Variants in ATP7A observed in about 807,000 individuals in gnomAD.
The protein encoded by ATP7A is ATPase copper transporting alpha, also known as copper-transporting ATPase 1.
Under a neutral mutation model 83.5 loss-of-function variants are expected in ATP7A, and 7 were observed. That is an observed-to-expected ratio of 0.08 (90% CI 0.05 to 0.16). The LOEUF (loss-of-function observed/expected upper bound fraction) is 0.16. ATP7A is among the 10% of genes least tolerant of loss of function. The pLI, the probability that ATP7A is intolerant of heterozygous loss-of-function variation, is 1.00. For missense variants in ATP7A, 940 were observed against 1,120.8 expected, an observed-to-expected ratio of 0.84 and a Z score of 2.30; for synonymous variants, 354 against 395.2, an observed-to-expected ratio of 0.90 and a Z score of 1.24.
chrX:78,033,900 AG>A, intron 17 of ATP7A, 79 bp downstream of exon 17: 1 of 954,302 alleles, frequency 1.0e-6, no homozygotes, highest in Non-Finnish European at 1.5e-6. Context: ...GAACTGTTAT[AG>A]AAGAAACAAA....
intron 1 of ATP7A, among the ~76,000 whole-genome samples, chrX:77,937,866 T>TTC (rs1326169199): frequency 5.2e-4 from 52 of 100,441 alleles, no homozygotes; most frequent in African/African-American, 9.1e-4. Flanking sequence ...GATGGGATGG[T>TTC]TCTCTCTCTC....
intron 2 of ATP7A, among the ~76,000 whole-genome samples, chrX:77,977,009 T>C (rs1313230308): frequency 9.0e-6 from 1 of 111,580 alleles, no homozygotes; most frequent in African/African-American, 3.3e-5. Flanking sequence ...AAGAGCCAAG[T>C]TGGAAAAGCT....
intron 12 of ATP7A, among the ~76,000 whole-genome samples, chrX:78,016,125 A>G (rs958322373): frequency 4.5e-5 from 5 of 111,661 alleles, no homozygotes; most frequent in African/African-American, 1.6e-4. Flanking sequence ...GATTTAATTG[A>G]CTCACAGTTC....
rs2077837766 is a variant in ATP7A, at chrX:78,012,995, T to G, written c.2289T>G (p.Ile763Met). ...CCATTGCATTTGCCTACTCTTTGATTATTCTTCTAGTTGCAATGTATGAGA... is the reference window on the plus strand; with the variant it reads ...CCATTGCATTTGCCTACTCTTTGATGATTCTTCTAGTTGCAATGTATGAGA... The part of the protein sequence containing the change: ...ATTIAFAYSL[I>M]ILLVAMYERA... The change falls in exon 10 of 23, where the codon ATT (isoleucine) becomes ATG (methionine). Residue 763 changes from isoleucine (I) to methionine (M), a missense_variant. Transcript: ENST00000341514. 1 of 1,210,837 alleles carries G rather than the reference T, an allele frequency of 8.3e-7. No individual in the cohort carries two copies. The highest frequency in any genetic ancestry group is 1.8e-5 in the South Asian group (1 of 56,970).
chrX:77,980,702 C>T, intron 2 of ATP7A, among the ~76,000 whole-genome samples: 1 of 110,640 alleles, frequency 9.0e-6, no homozygotes, highest in Non-Finnish European at 1.9e-5. Context: ...GAGTCTCGCT[C>T]TTGTCACCCA....
rs1557233373 is a variant in ATP7A at position 78,003,130 on chromosome X, C to T, written c.1601C>T (p.Pro534Leu). Residue 534 changes from proline (P) to leucine (L), a missense_variant, in exon 6 of 23, where the codon CCT becomes CTT. By Grantham distance (98) the Pro-to-Leu change is moderately conservative. Transcript: ENST00000341514. The part of the protein sequence containing the change: ...MAGKAEVRYN[P>L]AVIQPPMIAE... Reference sequence around the variant, plus strand: ...GGCAAGGCAGAAGTAAGGTATAATCCTGCTGTTATACAACCCCCAATGATA... The same window carrying T: ...GGCAAGGCAGAAGTAAGGTATAATCTTGCTGTTATACAACCCCCAATGATA... The T allele has an allele frequency of 8.3e-7, 1 of 1,208,544 alleles. No homozygotes were observed.
At chrX:77,966,799 A>G (rs1490653049) in intron 1 of ATP7A, 9 of 329,011 alleles carry the variant, frequency 2.7e-5, no homozygotes, top group Non-Finnish European at 5.3e-5. Context: ...CTTCTAAAAA[A>G]AACCAGGATA....
At chrX:77,962,941 T>G (rs1557228247) in intron 1 of ATP7A, 3 of 302,802 alleles carry the variant, frequency 9.9e-6, no homozygotes, top group Non-Finnish European at 2.0e-5. Context: ...TAATTCATAC[T>G]TCCTCATATA....
At chrX:77,985,366 A>G (rs782064996) in intron 2 of ATP7A, among the ~76,000 whole-genome samples, 1 of 88,223 alleles carries the variant, frequency 1.1e-5, no homozygotes, top group Admixed American at 1.4e-4. Flanking sequence ...CTGATTGGCT[A>G]TGTTGGTAAA....
intron 2 of ATP7A, among the ~76,000 whole-genome samples, chrX:77,984,889 T>C (rs1015485125): frequency 2.7e-5 from 3 of 112,646 alleles, no homozygotes; most frequent in Non-Finnish European, 5.6e-5. Context: ...TGTTTTCTCA[T>C]CTGCAGCATG....
At chrX:78,018,766 G>T in intron 12 of ATP7A, among the ~76,000 whole-genome samples, 1 of 112,235 alleles carries the variant, frequency 8.9e-6, no homozygotes, top group Non-Finnish European at 1.9e-5. Flanking sequence ...ATTTATGAAG[G>T]AAGGAGATTT....
intron 2 of ATP7A, chrX:77,974,911 G>T: frequency 3.7e-6 from 1 of 270,736 alleles, no homozygotes; most frequent in Non-Finnish European, 6.5e-6. Flanking sequence ...AAGTTTTAGG[G>T]TACATGTGCA....
At chrX:78,039,694 T>A (rs140671795) in intron 18 of ATP7A, among the ~76,000 whole-genome samples, 67 of 112,384 alleles carry the variant, frequency 6.0e-4, no homozygotes, top group East Asian at 1.9e-3. Context: ...GTGTGTGTGT[T>A]TGCAGAATTA....
intron 15 of ATP7A, among the ~76,000 whole-genome samples, chrX:78,030,152 A>G (rs1417781387): frequency 3.6e-5 from 4 of 112,518 alleles, no homozygotes; most frequent in African/African-American, 1.3e-4. Flanking sequence ...CTAGCCTGGC[A>G]CAGTGGCTCA....
chrX:77,966,693 G>A (rs1366915309), intron 1 of ATP7A: 2 of 284,174 alleles, frequency 7.0e-6, no homozygotes, highest in African/African-American at 2.8e-5. Flanking sequence ...TAATGAAAAT[G>A]TTTTGCAACT....
chrX:78,033,495 T>G, intron 16 of ATP7A, 110 bp from the exon 17 acceptor site: 1 of 768,240 alleles, frequency 1.3e-6, no homozygotes. Context: ...AGGCAATATG[T>G]GACAATTTTA....
At chrX:78,039,298 GT>G (rs1459734553) in intron 18 of ATP7A, among the ~76,000 whole-genome samples, 1 of 110,456 alleles carries the variant, frequency 9.1e-6, no homozygotes, top group African/African-American at 3.3e-5. Context: ...ACAATGTCAG[GT>G]TTTTTTTGTT....
rs1365331591 is a variant in ATP7A, at chrX:77,989,120, A to G, written c.611-113A>G. The G allele has an allele frequency of 4.0e-5, 35 of 880,721 alleles. No homozygotes were observed. The South Asian group carries it at 8.5e-4, about 21-fold the overall frequency. 72.6% of individuals were successfully genotyped at this position (880,721 alleles called of 1,213,427 possible). Reference sequence around the variant, plus strand: ...AAAGAAAAAAAATTAAGAAAATATGATGACAAGAATGAGAGAGAAACAATT... The same window carrying G: ...AAAGAAAAAAAATTAAGAAAATATGGTGACAAGAATGAGAGAGAAACAATT... On this transcript the variant is annotated intron_variant, in intron 3 of 22. Coordinates refer to ENST00000341514, the MANE Select transcript of ATP7A (RefSeq NM_000052.7).
chrX:77,934,928 C>T (rs1017358267), intron 1 of ATP7A, among the ~76,000 whole-genome samples: 1 of 107,251 alleles, frequency 9.3e-6, no homozygotes, highest in Non-Finnish European at 1.9e-5. Flanking sequence ...GTGTCAGCCC[C>T]CAGAGTAGCT....
Sources: allele counts gnomAD v4.1 joint callset (sites outside exome capture counted in the v4.1 genomes callset), GRCh38; gene constraint gnomAD v4.1.1; transcripts MANE v1.5; gene names NCBI Gene and HGNC (gene_info 2026-07-23, HGNC 2026-07-21).